EPB41: variants seen among roughly 807,000 people sequenced by gnomAD.
EPB41 encodes the protein erythrocyte membrane protein band 4.1, also known as protein 4.1.
EPB41 carries 65 observed loss-of-function variants against 108.0 expected under a neutral mutation model. That is an observed-to-expected ratio of 0.60 (90% confidence interval 0.49 to 0.74). The LOEUF (loss-of-function observed/expected upper bound fraction) is 0.74. EPB41 is among the 30% of genes least tolerant of loss of function. The pLI is 0.00. For synonymous variants in EPB41, 336 were observed against 358.9 expected, an observed-to-expected ratio of 0.94 and a Z score of 0.72; for missense variants, 875 against 1,037.0, an observed-to-expected ratio of 0.84 and a Z score of 2.15.
intron 1 of EPB41, among the ~76,000 whole-genome samples, chr1:28,968,075 T>C (rs7418747): frequency 1.4e-4 from 21 of 151,988 alleles, no homozygotes; most frequent in Non-Finnish European, 2.9e-5. Context: ...AACTTCGTTT[T>C]TGGCCAGGCA....
chr1:29,032,942 G>A (rs1406210311), intron 8 of EPB41, 151 bp from the exon 9 acceptor site: 1 of 768,636 alleles, frequency 1.3e-6, no homozygotes, highest in African/African-American at 1.7e-5. Context: ...AACATAATAG[G>A]TCCATAAATT....
chr1:29,099,068 G>C (rs529183262), intron 17 of EPB41, among the ~76,000 whole-genome samples: 1 of 149,806 alleles, frequency 6.7e-6, no homozygotes, highest in East Asian at 2.1e-4. Context: ...CAGCACTTTG[G>C]GAGGCCGAGG....
At chr1:28,898,749 G>C (rs1019387387) in intron 1 of EPB41, among the ~76,000 whole-genome samples, 1 of 152,198 alleles carries the variant, frequency 6.6e-6, no homozygotes, top group African/African-American at 2.4e-5. Context: ...TGCCCGCCTT[G>C]GCCTTGGGCC....
chr1:29,080,096 C>CGTT (rs1558259070), intron 16 of EPB41, among the ~76,000 whole-genome samples: 1 of 107,526 alleles, frequency 9.3e-6, no homozygotes, highest in African/African-American at 3.5e-5. Context: ...GATAAAGCAA[C>CGTT]ATTATTTATT....
At chr1:29,016,335 C>A (rs2096578233) in intron 6 of EPB41, among the ~76,000 whole-genome samples, 1 of 147,524 alleles carries the variant, frequency 6.8e-6, no homozygotes, top group African/African-American at 2.6e-5. Context: ...ACCACCACGC[C>A]CTGCTAATTT....
intron 1 of EPB41, among the ~76,000 whole-genome samples, chr1:28,953,431 A>G (rs1289720905): frequency 6.6e-6 from 1 of 152,180 alleles, no homozygotes; most frequent in Non-Finnish European, 1.5e-5. Flanking sequence ...GACTTGAGAA[A>G]TCCCTGCTGC....
rs760285496 is a variant in EPB41 at position 28,987,683 on chromosome 1, A to G, written c.246A>G (p.Leu82=). 2.3e-5 allele frequency: 37 copies of G among 1,614,130 alleles called. No homozygotes were observed. The highest frequency in any genetic ancestry group is 8.9e-5 in the East Asian group (4 of 44,898). The change falls in exon 2 of 21, where the codon CTA becomes CTG. Residue 82 remains leucine (L), a synonymous_variant. Transcript: ENST00000343067. ...CAGAAAGCAGAGGACTTTCACGACT[A>G]TTCTCCTCGTTTCTCAAAAGGCCCA... ...RTSESRGLSR[L]FSSFLKRPKS... is the part of the protein sequence containing the mutation.
rs2096773522 is a variant in EPB41, at chr1:29,030,416, C to G, written c.1141C>G (p.Gln381Glu). Reference protein sequence around the residue: ...HKSYRSMTPAQADLEFLENAK... With the variant: ...HKSYRSMTPAEADLEFLENAK... ...CTATCAAAGGTCCATGACTCCAGCT[C>G]AGGCTGACTTGGAGTTTCTTGAGAA... is the stretch of plus-strand genomic sequence containing the variant. The change falls in exon 8 of 21, where the codon CAG (glutamine) becomes GAG (glutamate). Residue 381 changes from glutamine to glutamate, a missense_variant. This residue lies in a region of EPB41 where 519 missense variants were observed against 627.3 expected (regional missense o/e 0.83). Transcript: ENST00000343067. 1.9e-6 allele frequency: 3 copies of G among 1,613,994 alleles called. No individual in the cohort carries two copies. Among genetic ancestry groups the G allele is most frequent in the African/African-American group, 1.3e-5 (1 of 75,030 alleles).
chr1:29,071,757 A>T (rs911135102), intron 16 of EPB41: 1 of 152,102 alleles, frequency 6.6e-6, no homozygotes, highest in Non-Finnish European at 1.5e-5. Flanking sequence ...TATTGAAGAA[A>T]CCTTGCATGT....
intron 1 of EPB41, chr1:28,902,103 C>A (rs2091375900): frequency 1.1e-6 from 1 of 903,886 alleles, no homozygotes; most frequent in Admixed American, 6.2e-5. Context: ...CTATATGAAG[C>A]CTGTTCTCTC....
At chr1:28,930,489 T>G (rs542977327) in intron 1 of EPB41, among the ~76,000 whole-genome samples, 150 of 148,012 alleles carry the variant, frequency 1.0e-3, no homozygotes, top group African/African-American at 2.6e-3. Context: ...GTGTGTGTGT[T>G]TTTTTTTTAA....
At chr1:28,898,992 TC>T (rs201495717) in intron 1 of EPB41, among the ~76,000 whole-genome samples, 5,891 of 152,220 alleles carry the variant, frequency 0.039, 152 homozygotes, top group Non-Finnish European at 0.058. Context: ...TAGAGCTGGA[TC>T]CCTCAGCCTT....
chr1:28,921,938 T>TA (rs2093103745), intron 1 of EPB41, among the ~76,000 whole-genome samples: 5 of 102,632 alleles, frequency 4.9e-5, no homozygotes, highest in South Asian at 3.9e-4. Flanking sequence ...TTATGAAATT[T>TA]TATATATATA....
chr1:28,944,538 T>G (rs78146065), intron 1 of EPB41, among the ~76,000 whole-genome samples: 2 of 107,388 alleles, frequency 1.9e-5, no homozygotes, highest in African/African-American at 3.4e-5. Context: ...GATCTGGTTT[T>G]TTTTTTTTTT....
intron 15 of EPB41, 87 bp downstream of exon 15, chr1:29,060,571 C>A: frequency 7.8e-7 from 1 of 1,286,960 alleles, no homozygotes; most frequent in African/African-American, 1.5e-5. Flanking sequence ...TTCTGTGCTG[C>A]ATTTGGTTTT....
chr1:28,944,693 C>T (rs778868995), intron 1 of EPB41, among the ~76,000 whole-genome samples: 43 of 151,890 alleles, frequency 2.8e-4, no homozygotes, highest in Admixed American at 5.2e-4. Flanking sequence ...TGTGCCACCA[C>T]GCCCGGCTAA....
In EPB41 at chr1:29,065,063, C is replaced by G. The variant is rs148756198; in HGVS notation, c.2089C>G (p.Pro697Ala). 1.2e-6 allele frequency: 2 copies of G among 1,614,142 alleles called. No homozygotes were observed. The highest frequency in any genetic ancestry group is 1.7e-6 in the Non-Finnish European group (2 of 1,180,018). ...ELKKNFMESV[P>A]EPRPSEWDKR... ...GAAAAAGAACTTCATGGAGTCTGTA[C>G]CAGAACCACGGCCTAGTGAATGGGA... is the stretch of plus-strand genomic sequence containing the variant. The change falls in exon 16 of 21, where the codon CCA becomes GCA. Residue 697 changes from proline to alanine, a missense_variant. Pro to Ala is a conservative substitution (Grantham distance 27). Transcript: ENST00000343067.
chr1:28,968,972 C>T lies in EPB41; in HGVS notation c.-7-18459C>T, dbSNP rs112649272. Among the ~76,000 whole-genome samples the T allele has an allele frequency of 7.3e-5, 10 of 137,282 alleles. No homozygotes were observed. In the East Asian group the frequency reaches 1.1e-3, roughly 15 times the overall value. 90.1% of individuals were successfully genotyped at this position (137,282 alleles called of 152,430 possible). A position where few individuals can be genotyped will look rare whatever the true frequency, so the allele number is the denominator to read the frequency against. On this transcript the variant is annotated intron_variant, in intron 1 of 20. Coordinates refer to ENST00000343067, the MANE Select transcript of EPB41 (RefSeq NM_001376013.1). ...AAAGTGATACTCTGCCTCCAAAACC[C>T]CCCACCCCCCAAAAAAAAAACACAA... is the stretch of plus-strand genomic sequence containing the variant.
chr1:29,037,121 T>A (rs747886514), intron 10 of EPB41, among the ~76,000 whole-genome samples: 5 of 151,090 alleles, frequency 3.3e-5, no homozygotes, highest in Non-Finnish European at 7.4e-5. Context: ...TGTGATGGAG[T>A]CTTGCTCTGT....
Sources: allele counts gnomAD v4.1 joint callset (sites outside exome capture counted in the v4.1 genomes callset), GRCh38; gene constraint gnomAD v4.1.1; regional missense constraint gnomAD v4.1.1; transcripts MANE v1.5; gene names NCBI Gene and HGNC (gene_info 2026-07-23, HGNC 2026-07-21).